DAW1: variants seen among roughly 807,000 people sequenced by gnomAD.
DAW1 encodes dynein assembly factor with WD repeat domains 1.
In DAW1, 47 loss-of-function variants were observed where a neutral mutation model predicts 56.5. The observed-to-expected ratio is 0.83, with a 90% CI of 0.66 to 1.06. The LOEUF is 1.06. Ranked by LOEUF, DAW1 falls within the 50% of genes least tolerant of loss-of-function variation. DAW1 has a pLI of 0.00. For synonymous variants in DAW1, 190 were observed against 179.0 expected (o/e 1.06, Z -0.49); for missense variants, 505 against 499.3 (o/e 1.01, Z -0.11).
chr2:227,917,763 A>C (rs1162111551), intron 10 of DAW1, among the ~76,000 whole-genome samples: 7 of 152,082 alleles, frequency 4.6e-5, no homozygotes, highest in Non-Finnish European at 1.0e-4. Context: ...TGTCCAACCG[A>C]ATTTCAAGTT....
At chr2:227,913,515 T>C (rs1345772600) in intron 10 of DAW1, among the ~76,000 whole-genome samples, 1 of 152,158 alleles carries the variant, frequency 6.6e-6, no homozygotes, top group Non-Finnish European at 1.5e-5. Flanking sequence ...GATGCCATAA[T>C]ATAGGTTATT....
At chr2:227,907,891 A>C (rs1691724122) in intron 10 of DAW1, among the ~76,000 whole-genome samples, 1 of 152,186 alleles carries the variant, frequency 6.6e-6, no homozygotes, top group Non-Finnish European at 1.5e-5. Context: ...TGGCCTTGTC[A>C]ACTTAATTAC....
At chr2:227,918,187 C>CATCAATCCATCCATCCATCCAT (rs1553604211) in intron 10 of DAW1, among the ~76,000 whole-genome samples, 1 of 96,102 alleles carries the variant, frequency 1.0e-5, no homozygotes, top group Non-Finnish European at 2.4e-5. Context: ...ATCCATCCAT[C>CATCAATCCATCCATCCATCCAT]CATCCATCCA....
intron 10 of DAW1, among the ~76,000 whole-genome samples, chr2:227,910,655 C>G (rs1397136909): frequency 2.0e-5 from 3 of 152,122 alleles, no homozygotes; most frequent in African/African-American, 7.2e-5. Context: ...TTACTTTATA[C>G]TATTTCGGCA....
At chr2:227,908,398 A>G (rs1691736468) in intron 10 of DAW1, among the ~76,000 whole-genome samples, 1 of 152,158 alleles carries the variant, frequency 6.6e-6, no homozygotes, top group Admixed American at 6.5e-5. Flanking sequence ...AGCCACATGC[A>G]ATGCTATATG....
At chr2:227,914,639 C>G (rs1476163580) in intron 10 of DAW1, among the ~76,000 whole-genome samples, 4 of 151,974 alleles carry the variant, frequency 2.6e-5, no homozygotes, top group Non-Finnish European at 4.4e-5. Context: ...ATTGTATTGT[C>G]TGCCTCATCT....
At chr2:227,889,227 T>C (rs1382544385) in intron 2 of DAW1, among the ~76,000 whole-genome samples, 5 of 152,222 alleles carry the variant, frequency 3.3e-5, no homozygotes, top group Non-Finnish European at 7.3e-5. Context: ...ATTCATTTTG[T>C]GCTGCCATAA....
intron 6 of DAW1, among the ~76,000 whole-genome samples, chr2:227,899,178 A>G (rs34396576): frequency 0.4 from 60,814 of 151,794 alleles, 13,569 homozygotes; most frequent in Admixed American, 0.55. Flanking sequence ...GATTAGTAAT[A>G]CCTTAAATCT....
intron 6 of DAW1, among the ~76,000 whole-genome samples, chr2:227,899,610 A>G (rs1691490471): frequency 6.6e-6 from 1 of 152,248 alleles, no homozygotes; most frequent in African/African-American, 2.4e-5. Flanking sequence ...ATTGATAACA[A>G]AGAGTGACAG....
intron 10 of DAW1, among the ~76,000 whole-genome samples, chr2:227,916,023 A>G (rs751258053): frequency 6.6e-6 from 1 of 152,148 alleles, no homozygotes; most frequent in South Asian, 2.1e-4. Flanking sequence ...TATCAGTCAC[A>G]TATTTCTAAT....
At chr2:227,907,736 C>T (rs902211920) in intron 10 of DAW1, among the ~76,000 whole-genome samples, 4 of 152,000 alleles carry the variant, frequency 2.6e-5, no homozygotes, top group Admixed American at 1.3e-4. Flanking sequence ...TTAGTAGAGA[C>T]GGGGTTTCTC....
chr2:227,919,807 G>A (rs1482223307), intron 11 of DAW1, among the ~76,000 whole-genome samples: 1 of 152,214 alleles, frequency 6.6e-6, no homozygotes, highest in Non-Finnish European at 1.5e-5. Context: ...TTCCCTGTCT[G>A]AGATCAGATT....
intron 1 of DAW1, among the ~76,000 whole-genome samples, chr2:227,883,150 G>T (rs901216172): frequency 6.6e-6 from 1 of 152,154 alleles, no homozygotes; most frequent in African/African-American, 2.4e-5. Context: ...TCTTGAAAAT[G>T]AAGAATGTGA....
intron 11 of DAW1, 129 bp downstream of exon 11, chr2:227,918,985 AG>A: frequency 1.1e-6 from 1 of 947,908 alleles, no homozygotes; most frequent in Non-Finnish European, 1.6e-6. Flanking sequence ...GCTTGAGGCC[AG>A]GAGTTCAAGA....
At chr2:227,923,168 C>T (rs1692148371) in intron 12 of DAW1, among the ~76,000 whole-genome samples, 1 of 152,190 alleles carries the variant, frequency 6.6e-6, no homozygotes, top group Non-Finnish European at 1.5e-5. Flanking sequence ...GACAACAGAG[C>T]TTATTAGATT....
chr2:227,919,209 G>A (rs13403937), intron 11 of DAW1, among the ~76,000 whole-genome samples: 1,015 of 133,920 alleles, frequency 7.6e-3, no homozygotes, highest in Middle Eastern at 0.011. Context: ...AAAAAAAAAA[G>A]AAAAAAAAAA....
At chr2:227,901,113 C>A (rs550890027) in intron 6 of DAW1, among the ~76,000 whole-genome samples, 79 of 152,226 alleles carry the variant, frequency 5.2e-4, no homozygotes, top group Middle Eastern at 3.4e-3. Context: ...AGTTATCAGC[C>A]AGTTGGGGAT....
intron 1 of DAW1, among the ~76,000 whole-genome samples, chr2:227,873,763 C>T (rs1483207526): frequency 1.3e-5 from 2 of 152,184 alleles, no homozygotes; most frequent in African/African-American, 2.4e-5. Context: ...TGCAATCCAA[C>T]TCCACCTCTT....
intron 1 of DAW1, among the ~76,000 whole-genome samples, chr2:227,882,577 C>T (rs1013895424): frequency 1.2e-4 from 19 of 152,198 alleles, no homozygotes; most frequent in Non-Finnish European, 2.6e-4. Flanking sequence ...ATAGGAAGTA[C>T]TAAGAAAGCA....
Sources: allele counts gnomAD v4.1 joint callset (sites outside exome capture counted in the v4.1 genomes callset), GRCh38; gene constraint gnomAD v4.1.1; transcripts MANE v1.5; gene names NCBI Gene and HGNC (gene_info 2026-07-23, HGNC 2026-07-21).